SYNPR: variants seen among roughly 807,000 people sequenced by gnomAD.
SYNPR encodes synaptoporin.
Under a neutral mutation model 32.9 loss-of-function variants are expected in SYNPR, and 23 were observed. The ratio of observed to expected loss-of-function variants is 0.70; its 90% CI spans 0.50 to 0.99. The LOEUF is 0.99. Among genes scored for constraint, SYNPR ranks in the 50% least tolerant of loss-of-function variants. SYNPR has a pLI of 0.00. For missense variants in SYNPR, 318 were observed against 349.3 expected (o/e 0.91, Z 0.71); for synonymous variants, 146 against 135.9 (o/e 1.07, Z -0.52).
chr3:63,286,513 A>T (rs1405201816), intron 2 of SYNPR, among the ~76,000 whole-genome samples: 2 of 151,682 alleles, frequency 1.3e-5, no homozygotes, highest in East Asian at 3.9e-4. Context: ...CCCTGGAGTT[A>T]TGCTGAAGTA....
upstream of SYNPR, among the ~76,000 whole-genome samples, chr3:63,227,906 T>G (rs2086140926): frequency 6.6e-6 from 1 of 152,220 alleles, no homozygotes; most frequent in African/African-American, 2.4e-5. Flanking sequence ...AGTGGAATTC[T>G]GTTCCTAAGG....
At chr3:63,293,897 G>A (rs9826224) in intron 2 of SYNPR, among the ~76,000 whole-genome samples, 114,653 of 152,006 alleles carry the variant, frequency 0.75, 44,141 homozygotes, top group Non-Finnish European at 0.83. Context: ...CATATCTGCA[G>A]TGTCCCTCTT....
chr3:63,484,378 C>A (rs1331003060), intron 3 of SYNPR, among the ~76,000 whole-genome samples: 2 of 151,994 alleles, frequency 1.3e-5, no homozygotes, highest in African/African-American at 2.4e-5. Flanking sequence ...TTGGTACTTC[C>A]TTTATGCATA....
At chr3:63,439,386 A>G (rs539575595) in intron 2 of SYNPR, among the ~76,000 whole-genome samples, 26 of 152,356 alleles carry the variant, frequency 1.7e-4, no homozygotes, top group Non-Finnish European at 3.2e-4. Context: ...TTTTCAAACA[A>G]GAACTATCAA....
chr3:63,342,375 T>G (rs1166564728), intron 2 of SYNPR, among the ~76,000 whole-genome samples: 1 of 152,184 alleles, frequency 6.6e-6, no homozygotes, highest in East Asian at 1.9e-4. Context: ...ATTGATATGC[T>G]CATATGATTT....
chr3:63,271,627 C>A (rs1411359388), intron 3 of SYNPR, among the ~76,000 whole-genome samples: 1 of 151,968 alleles, frequency 6.6e-6, no homozygotes, highest in Non-Finnish European at 1.5e-5. Context: ...ATAAATATAT[C>A]TTCCCTAAAA....
At chr3:63,269,507 A>G (rs17068008) in intron 3 of SYNPR, among the ~76,000 whole-genome samples, 1,830 of 152,218 alleles carry the variant, frequency 0.012, 32 homozygotes, top group African/African-American at 0.041. Context: ...AGGAAAAGAA[A>G]TGAAGACCAA....
chr3:63,203,068 G>GTATACATATATATATATA, the SYNPR span: 1 of 108,594 alleles, frequency 9.2e-6, no homozygotes, highest in Non-Finnish European at 1.8e-5. Flanking sequence ...ATATGTATGT[G>GTATACATATATATATATA]TATATATATA....
chr3:63,245,683 G>GAC (rs2086278566), intron 1 of SYNPR, among the ~76,000 whole-genome samples: 1 of 59,420 alleles, frequency 1.7e-5, no homozygotes, highest in Admixed American at 1.6e-4. Flanking sequence ...TGTCAAGTGA[G>GAC]AGAGAGAGAG....
At chr3:63,578,926 C>T (rs1278811955) in intron 4 of SYNPR, among the ~76,000 whole-genome samples, 1 of 152,104 alleles carries the variant, frequency 6.6e-6, no homozygotes, top group Non-Finnish European at 1.5e-5. Context: ...ACCATCTTCC[C>T]AGCCAGAAAC....
At chr3:63,388,680 A>C (rs1183671756) in intron 2 of SYNPR, among the ~76,000 whole-genome samples, 1 of 151,720 alleles carries the variant, frequency 6.6e-6, no homozygotes, top group Non-Finnish European at 1.5e-5. Context: ...TCAGCCTCCC[A>C]AAGTTGCTAA....
chr3:63,285,113 T>C (rs2086668419), intron 2 of SYNPR, among the ~76,000 whole-genome samples: 1 of 152,266 alleles, frequency 6.6e-6, no homozygotes, highest in South Asian at 2.1e-4. Flanking sequence ...GATGTTATCC[T>C]ATTTTACAGT....
intron 2 of SYNPR, among the ~76,000 whole-genome samples, chr3:63,392,704 TG>T (rs1295417660): frequency 1.3e-5 from 2 of 152,154 alleles, no homozygotes; most frequent in African/African-American, 4.8e-5. Flanking sequence ...TTCCAGAAGG[TG>T]GTAATGAGCT....
intron 3 of SYNPR, among the ~76,000 whole-genome samples, chr3:63,524,822 G>T (rs568259616): frequency 1.2e-3 from 172 of 145,936 alleles, no homozygotes; most frequent in Non-Finnish European, 2.1e-3. Context: ...CATCATAATA[G>T]AAGTGTGTGT....
At chr3:63,555,193 C>T (rs577488357) in intron 3 of SYNPR, among the ~76,000 whole-genome samples, 41 of 151,342 alleles carry the variant, frequency 2.7e-4, no homozygotes, top group Non-Finnish European at 5.2e-4. Context: ...ATTTGGATGC[C>T]TTTTATTTTT....
At chr3:63,426,469 T>C (rs1699893958) in intron 2 of SYNPR, among the ~76,000 whole-genome samples, 1 of 152,142 alleles carries the variant, frequency 6.6e-6, no homozygotes, top group Admixed American at 6.5e-5. Flanking sequence ...TAAAAGTACC[T>C]CTTCCCAGGC....
intron 3 of SYNPR, among the ~76,000 whole-genome samples, chr3:63,526,897 T>G (rs1421787475): frequency 6.6e-6 from 1 of 152,184 alleles, no homozygotes; most frequent in East Asian, 1.9e-4. Context: ...GCTCAGATGG[T>G]GAGTGGGATT....
chr3:63,335,352 C>CAA (rs35394118), intron 2 of SYNPR, among the ~76,000 whole-genome samples: 1,720 of 84,194 alleles, frequency 0.02, 34 homozygotes, highest in East Asian at 0.049. Context: ...GACTCCGTCT[C>CAA]AAAAAAAAAA....
intron 3 of SYNPR, among the ~76,000 whole-genome samples, chr3:63,534,327 A>G (rs1702164052): frequency 6.6e-6 from 1 of 152,198 alleles, no homozygotes; most frequent in Non-Finnish European, 1.5e-5. Flanking sequence ...GTACAGAACC[A>G]AGTTATAGCT....
Sources: allele counts gnomAD v4.1 joint callset (sites outside exome capture counted in the v4.1 genomes callset), GRCh38; gene constraint gnomAD v4.1.1; transcripts MANE v1.5; gene names NCBI Gene and HGNC (gene_info 2026-07-23, HGNC 2026-07-21).